The following CLMN variants were observed in gnomAD, a reference collection of about 807,000 sequenced individuals.
CLMN encodes the protein calmin (calponin-like, transmembrane).
In CLMN, 57 loss-of-function variants were observed where a neutral mutation model predicts 92.7. The observed-to-expected ratio is 0.61, with a 90% CI of 0.50 to 0.77. The LOEUF (loss-of-function observed/expected upper bound fraction) is 0.77, where lower values mean the gene tolerates loss of function less well. Among genes scored for constraint, CLMN ranks in the 30% least tolerant of loss-of-function variants. The pLI is 0.00. For missense variants in CLMN, 1,158 were observed against 1,237.5 expected (o/e 0.94, Z 0.96); for synonymous variants, 466 against 470.6 (o/e 0.99, Z 0.13).
At chr14:95,249,320 T>C (rs1358474749) in intron 1 of CLMN, among the ~76,000 whole-genome samples, 1 of 152,162 alleles carries the variant, frequency 6.6e-6, no homozygotes, top group Non-Finnish European at 1.5e-5. Context: ...TTTTAGTTGA[T>C]TAGCACAAGG....
At position 95,294,700 on chromosome 14, in the gene CLMN, C is replaced by T. The variant is rs1272064482; in HGVS notation, c.82+25011G>A. Among the ~76,000 whole-genome samples the T allele has an allele frequency of 6.6e-6, 1 of 152,204 alleles. No individual in the cohort carries two copies. The highest frequency in any genetic ancestry group is 1.5e-5 in the Non-Finnish European group (1 of 68,038). ...TCCTACTTCATCTTCCTTTCTCTCCCTGCCCTGTGTCCTGGGGGCAGGTCC... is the reference window on the plus strand; with the variant it reads ...TCCTACTTCATCTTCCTTTCTCTCCTTGCCCTGTGTCCTGGGGGCAGGTCC... On this transcript the variant is annotated intron_variant, in intron 1 of 12. Transcript: ENST00000298912. The surrounding 1 kb of genome is among the most constrained non-coding windows in gnomAD (Gnocchi z 4.2).
intron 6 of CLMN, among the ~76,000 whole-genome samples, chr14:95,212,889 C>T (rs934594978): frequency 6.6e-6 from 1 of 151,688 alleles, no homozygotes; most frequent in Admixed American, 6.6e-5. Flanking sequence ...AGGTTCACGC[C>T]ATTCTCCTGC....
intron 1 of CLMN, among the ~76,000 whole-genome samples, chr14:95,263,037 C>T (rs971115614): frequency 2.0e-5 from 3 of 152,232 alleles, no homozygotes; most frequent in Non-Finnish European, 2.9e-5. Flanking sequence ...GCCACCCAAA[C>T]CAACTGCCCA....
intron 10 of CLMN, among the ~76,000 whole-genome samples, chr14:95,195,749 G>C (rs563058320): frequency 4.6e-5 from 7 of 152,338 alleles, no homozygotes; most frequent in Admixed American, 3.9e-4. Context: ...ATGAGAAAAT[G>C]AATGTGAAGT....
chr14:95,222,649 A>C (rs139145880), intron 3 of CLMN: 10 of 452,372 alleles, frequency 2.2e-5, no homozygotes, highest in Non-Finnish European at 4.4e-5. Flanking sequence ...ACAAGGGACT[A>C]GAAGGTACTT....
intron 2 of CLMN, among the ~76,000 whole-genome samples, chr14:95,226,704 T>C (rs1194804783): frequency 6.6e-6 from 1 of 152,106 alleles, no homozygotes; most frequent in African/African-American, 2.4e-5. Context: ...GCCTCTTAAA[T>C]AGTTGGAACT....
intron 1 of CLMN, among the ~76,000 whole-genome samples, chr14:95,306,579 A>G (rs561017610): frequency 2.6e-5 from 4 of 152,298 alleles, no homozygotes; most frequent in African/African-American, 7.2e-5. Context: ...TGATGCACCC[A>G]AACAACTTAA....
chr14:95,201,644 G>A (rs532697625), intron 9 of CLMN, among the ~76,000 whole-genome samples: 1 of 149,086 alleles, frequency 6.7e-6, no homozygotes, highest in East Asian at 2.0e-4. Context: ...AGAAATACAA[G>A]TGTCATGGTA....
intron 1 of CLMN, among the ~76,000 whole-genome samples, chr14:95,235,636 C>T (rs987846871): frequency 4.6e-5 from 7 of 152,188 alleles, no homozygotes; most frequent in Non-Finnish European, 8.8e-5. Context: ...TGGCCATCGG[C>T]AAATGGCTTT....
At chr14:95,286,308 A>G (rs751430294) in intron 1 of CLMN, among the ~76,000 whole-genome samples, 3 of 152,254 alleles carry the variant, frequency 2.0e-5, no homozygotes, top group Non-Finnish European at 4.4e-5. Context: ...TTTAGCCATA[A>G]AGAGGAATAA....
intron 1 of CLMN, among the ~76,000 whole-genome samples, chr14:95,304,038 A>G (rs1901171408): frequency 6.6e-6 from 1 of 152,202 alleles, no homozygotes; most frequent in South Asian, 2.1e-4. Context: ...TGGCAAACTC[A>G]AAGAAATCTA....
chr14:95,270,953 T>C (rs1333965308), intron 1 of CLMN, among the ~76,000 whole-genome samples: 1 of 152,228 alleles, frequency 6.6e-6, no homozygotes, highest in Non-Finnish European at 1.5e-5. Context: ...GTTCTAATTT[T>C]TCCACATCCT....
intron 1 of CLMN, among the ~76,000 whole-genome samples, chr14:95,304,501 G>C (rs1901191120): frequency 6.6e-6 from 1 of 152,112 alleles, no homozygotes; most frequent in Non-Finnish European, 1.5e-5. Flanking sequence ...AAGAGGATGA[G>C]AGGAAAGAAC....
At chr14:95,244,754 T>A (rs1362012693) in intron 1 of CLMN, among the ~76,000 whole-genome samples, 1 of 152,056 alleles carries the variant, frequency 6.6e-6, no homozygotes, top group Non-Finnish European at 1.5e-5. Flanking sequence ...ATGCAGGAGA[T>A]GAGAACACAC....
At chr14:95,272,874 T>G (rs898953555) in intron 1 of CLMN, among the ~76,000 whole-genome samples, 22 of 152,202 alleles carry the variant, frequency 1.4e-4, no homozygotes, top group Non-Finnish European at 3.1e-4. Context: ...TATTTTTGAA[T>G]AGACAAACAC....
At chr14:95,260,942 TCCAA>T (rs899823048) in intron 1 of CLMN, among the ~76,000 whole-genome samples, 3 of 152,156 alleles carry the variant, frequency 2.0e-5, no homozygotes, top group African/African-American at 7.2e-5. Context: ...ACAAATTTTT[TCCAA>T]CCAACCAATA....
chr14:95,247,455 T>G (rs1436909304), intron 1 of CLMN, among the ~76,000 whole-genome samples: 1 of 152,190 alleles, frequency 6.6e-6, no homozygotes, highest in African/African-American at 2.4e-5. Context: ...TGAAGGAACC[T>G]CCCTGAGTCG....
chr14:95,308,961 G>A (rs1365837978), intron 1 of CLMN, among the ~76,000 whole-genome samples: 2 of 152,248 alleles, frequency 1.3e-5, no homozygotes, highest in Admixed American at 6.5e-5. Flanking sequence ...TGGGAAGTGT[G>A]GTTATCCATG....
intron 1 of CLMN, among the ~76,000 whole-genome samples, chr14:95,296,910 T>G (rs1233809666): frequency 6.6e-6 from 1 of 152,218 alleles, no homozygotes; most frequent in African/African-American, 2.4e-5. Flanking sequence ...TAGGTTTGTC[T>G]GACTCCAGGG....
Sources: gnomAD v4.1 joint callset for allele counts (sites outside exome capture counted in the v4.1 genomes callset) on GRCh38, gnomAD v4.1.1 for gene constraint, Gnocchi (gnomAD v3.1) non-coding constraint, MANE v1.5 for transcripts, NCBI Gene and HGNC (gene_info 2026-07-23, HGNC 2026-07-21) for gene names.